KCND2: variants seen among roughly 807,000 people sequenced by gnomAD.
KCND2 encodes A-type voltage-gated potassium channel KCND2.
KCND2 carries 16 observed loss-of-function variants against 54.4 expected under a neutral mutation model. The ratio of observed to expected loss-of-function variants is 0.29; its 90% confidence interval spans 0.20 to 0.45. The LOEUF (loss-of-function observed/expected upper bound fraction) is 0.45. Among genes scored for constraint, KCND2 ranks in the 20% least tolerant of loss-of-function variants. The pLI is 1.00. For missense variants in KCND2, 486 were observed against 824.2 expected, an observed-to-expected ratio of 0.59 and a Z score of 5.02; for synonymous variants, 317 against 310.7, an observed-to-expected ratio of 1.02 and a Z score of -0.21.
intron 1 of KCND2, among the ~76,000 whole-genome samples, chr7:120,386,005 G>T (rs866014184): frequency 6.6e-6 from 1 of 152,052 alleles, no homozygotes; most frequent in Non-Finnish European, 1.5e-5. Flanking sequence ...TTTTTGGCTT[G>T]ACACTTTTTT....
chr7:120,510,687 C>T (rs1203530989), intron 1 of KCND2, among the ~76,000 whole-genome samples: 1 of 152,014 alleles, frequency 6.6e-6, no homozygotes, highest in East Asian at 1.9e-4. Flanking sequence ...ACATTCAAAA[C>T]TATTTGACTA....
intron 1 of KCND2, among the ~76,000 whole-genome samples, chr7:120,503,931 T>G (rs1157694141): frequency 6.6e-6 from 1 of 151,978 alleles, no homozygotes; most frequent in Non-Finnish European, 1.5e-5. Context: ...TGCATCCATA[T>G]ATAAAAAGCC....
chr7:120,716,112 T>A (rs1792599857), intron 1 of KCND2, among the ~76,000 whole-genome samples: 1 of 152,148 alleles, frequency 6.6e-6, no homozygotes, highest in African/African-American at 2.4e-5. Context: ...TAGTTCACTC[T>A]TGTGTCAAAT....
chr7:120,708,134 A>T (rs903550317), intron 1 of KCND2, among the ~76,000 whole-genome samples: 35 of 152,184 alleles, frequency 2.3e-4, no homozygotes, highest in African/African-American at 7.7e-4. Context: ...ACACTTTTTG[A>T]ATTTTCATAA....
intron 1 of KCND2, among the ~76,000 whole-genome samples, chr7:120,437,966 A>T (rs564399507): frequency 6.6e-6 from 1 of 152,326 alleles, no homozygotes; most frequent in East Asian, 1.9e-4. Flanking sequence ...GATGTTGGAG[A>T]GCAGAGATTC....
At chr7:120,327,707 G>C (rs1355650738) in intron 1 of KCND2, among the ~76,000 whole-genome samples, 1 of 151,444 alleles carries the variant, frequency 6.6e-6, no homozygotes, top group African/African-American at 2.4e-5. Flanking sequence ...TTGAAAGGAA[G>C]TACATTATAG....
intron 1 of KCND2, among the ~76,000 whole-genome samples, chr7:120,705,891 CTCT>C (rs1792460972): frequency 6.6e-6 from 1 of 152,082 alleles, no homozygotes; most frequent in Non-Finnish European, 1.5e-5. Context: ...TTCCTTCTCT[CTCT>C]TTTCTTTTCT....
chr7:120,668,364 C>G (rs1328282146), intron 1 of KCND2, among the ~76,000 whole-genome samples: 2 of 151,954 alleles, frequency 1.3e-5, no homozygotes, highest in Non-Finnish European at 2.9e-5. Context: ...GAGAATACCT[C>G]TTTTGCCCAA....
rs547789000 is a variant in KCND2 at position 120,317,667 on chromosome 7, T to C, written c.1115+41920T>C. Among the ~76,000 whole-genome samples, 53 of 152,316 alleles carry C rather than the reference T, an allele frequency of 3.5e-4. No homozygotes were observed. The East Asian group carries it at 9.4e-3, about 27-fold the overall frequency. ...AATTGGTTTTCATCCTTATACTTCA[T>C]CCGCATTTGATTTGTGTAACTCTAT... On this transcript the variant is annotated intron_variant, in intron 1 of 5. Transcript: ENST00000331113.
chr7:120,611,309 G>A (rs995415973), intron 1 of KCND2, among the ~76,000 whole-genome samples: 2 of 152,152 alleles, frequency 1.3e-5, no homozygotes, highest in Non-Finnish European at 2.9e-5. Context: ...TCAAAACTTT[G>A]TGCTAAGAAA....
At chr7:120,360,394 C>G (rs1237205617) in intron 1 of KCND2, among the ~76,000 whole-genome samples, 3 of 152,042 alleles carry the variant, frequency 2.0e-5, no homozygotes, top group Admixed American at 6.6e-5. Flanking sequence ...TGATCTCTAT[C>G]TGCCCTTTCT....
At chr7:120,377,360 G>T (rs1307774451) in intron 1 of KCND2, among the ~76,000 whole-genome samples, 2 of 151,950 alleles carry the variant, frequency 1.3e-5, no homozygotes, top group African/African-American at 4.8e-5. Flanking sequence ...TACTAGAAGT[G>T]TAGTGGGCTC....
intron 1 of KCND2, among the ~76,000 whole-genome samples, chr7:120,355,958 A>G (rs958079967): frequency 6.6e-6 from 1 of 152,158 alleles, no homozygotes; most frequent in Non-Finnish European, 1.5e-5. Context: ...ATTTATACCT[A>G]AATAGAGAAC....
chr7:120,551,571 C>T (rs747641399), intron 1 of KCND2, among the ~76,000 whole-genome samples: 2 of 152,068 alleles, frequency 1.3e-5, no homozygotes, highest in African/African-American at 2.4e-5. Flanking sequence ...GAAAGATATA[C>T]TATTGCATTT....
chr7:120,583,208 C>T (rs948560440), intron 1 of KCND2, among the ~76,000 whole-genome samples: 1 of 151,766 alleles, frequency 6.6e-6, no homozygotes, highest in Non-Finnish European at 1.5e-5. Flanking sequence ...TTTCAGATCT[C>T]CACTCAGACC....
intron 1 of KCND2, among the ~76,000 whole-genome samples, chr7:120,288,817 A>C (rs964791287): frequency 6.6e-6 from 1 of 152,146 alleles, no homozygotes; most frequent in African/African-American, 2.4e-5. Flanking sequence ...CTGGTTAAAC[A>C]TAACTTCATG....
At chr7:120,476,805 G>A (rs1464500110) in intron 1 of KCND2, among the ~76,000 whole-genome samples, 4 of 152,078 alleles carry the variant, frequency 2.6e-5, no homozygotes, top group Non-Finnish European at 5.9e-5. Flanking sequence ...ATGGTAATAG[G>A]AAATTACAGC....
At chr7:120,552,972 T>C (rs1440850023) in intron 1 of KCND2, among the ~76,000 whole-genome samples, 1 of 152,230 alleles carries the variant, frequency 6.6e-6, no homozygotes, top group African/African-American at 2.4e-5. Flanking sequence ...TTGCTATACA[T>C]ATACAATGTA....
intron 1 of KCND2, among the ~76,000 whole-genome samples, chr7:120,440,015 G>A (rs926074483): frequency 6.6e-6 from 1 of 151,998 alleles, no homozygotes; most frequent in Non-Finnish European, 1.5e-5. Context: ...TAAATATCCA[G>A]GAGCACGATT....
Sources: gnomAD v4.1 joint callset for allele counts (sites outside exome capture counted in the v4.1 genomes callset) on GRCh38, gnomAD v4.1.1 for gene constraint, MANE v1.5 for transcripts, NCBI Gene and HGNC (gene_info 2026-07-23, HGNC 2026-07-21) for gene names.